The following POLR3E variants were observed in gnomAD, a reference collection of about 807,000 sequenced individuals.
POLR3E encodes DNA-directed RNA polymerase III subunit RPC5.
A neutral mutation model predicts 96.6 loss-of-function variants in POLR3E; 41 were observed. That is an observed-to-expected ratio of 0.42 (90% CI 0.33 to 0.55). The LOEUF (loss-of-function observed/expected upper bound fraction) is 0.55. Among genes scored for constraint, POLR3E ranks in the 20% least tolerant of loss-of-function variants. The pLI is 0.06. For synonymous variants in POLR3E, 396 were observed against 383.6 expected (o/e 1.03, Z -0.38); for missense variants, 849 against 952.1 (o/e 0.89, Z 1.43).
rs750060291 is a variant in POLR3E, at chr16:22,325,866, A to G, written c.1454A>G (p.Gln485Arg). The G allele has an allele frequency of 1.6e-4, 252 of 1,611,772 alleles. No individual in the cohort carries two copies. The highest frequency in any genetic ancestry group is 2.1e-4 in the Non-Finnish European group (249 of 1,179,334). Reference sequence around the variant, plus strand: ...CGGGAGCTGCAGCGGCGGAAGGAGCAGCTGCGGGTGCCTGCGGTCCCGCCC... The same window carrying G: ...CGGGAGCTGCAGCGGCGGAAGGAGCGGCTGCGGGTGCCTGCGGTCCCGCCC... ...LERELQRRKE[Q>R]LRVPAVPPGV... is the part of the protein sequence containing the mutation. Residue 485 changes from glutamine to arginine, a missense_variant, in exon 18 of 21, where the codon CAG becomes CGG. Transcript: ENST00000299853.
At chr16:22,311,684 T>G (rs1255620622) in intron 6 of POLR3E, among the ~76,000 whole-genome samples, 1 of 151,130 alleles carries the variant, frequency 6.6e-6, no homozygotes, top group Non-Finnish European at 1.5e-5. Flanking sequence ...TTTGTTGAGG[T>G]GGGGTCTTGC....
At position 22,314,079 on chromosome 16, in the gene POLR3E, C is replaced by G; in HGVS notation, c.473C>G (p.Ala158Gly). The change falls in exon 8 of 21, where the codon GCA becomes GGA. Residue 158 changes from alanine (A) to glycine (G), a missense_variant and splice_region_variant. Physicochemically the swap from Ala to Gly is moderately conservative, Grantham distance 60. Transcript: ENST00000299853. ...KHREREAANE[A>G]GDSSQDEAED... Reference sequence around the variant, plus strand: ...AGTCAGTGGCTTGTCTCTCTTGCAGCAGGGGACTCTTCACAGGATGAGGCG... The same window carrying G: ...AGTCAGTGGCTTGTCTCTCTTGCAGGAGGGGACTCTTCACAGGATGAGGCG... 6.2e-7 allele frequency: 1 copy of G among 1,613,578 alleles called. No individual in the cohort carries two copies. The highest frequency in any genetic ancestry group is 8.5e-7 in the Non-Finnish European group (1 of 1,179,604).
chr16:22,326,740 G>A, intron 18 of POLR3E: 1 of 205,014 alleles, frequency 4.9e-6, no homozygotes, highest in Non-Finnish European at 1.0e-5. Flanking sequence ...TAGTAGAGCT[G>A]GAATTTGGAC....
At chr16:22,324,303 C>T (rs1447659949) in intron 14 of POLR3E, 51 bp from the exon 15 acceptor site, 1 of 1,508,746 alleles carries the variant, frequency 6.6e-7, no homozygotes, top group African/African-American at 1.4e-5. Flanking sequence ...CGGGACAGTC[C>T]TGGGAGCAGT....
At position 22,325,945 on chromosome 16, in the gene POLR3E, G is replaced by A. The variant is rs751236431; in HGVS notation, c.1533G>A (p.Glu511=). 1.9e-6 allele frequency: 3 copies of A among 1,592,852 alleles called. No individual in the cohort carries two copies. Among genetic ancestry groups the A allele is most frequent in the Non-Finnish European group, 2.6e-6 (3 of 1,169,432 alleles). Reference sequence around the variant, plus strand: ...GCGAGGAGGGCGAGGAGGACGAGGAGCAGGAGGCGGAGGAGGAGCCCATGG... The same window carrying A: ...GCGAGGAGGGCGAGGAGGACGAGGAACAGGAGGCGGAGGAGGAGCCCATGG... ...PVSEEGEEDE[E]QEAEEEPMDT... Residue 511 remains glutamate, a synonymous_variant, in exon 18 of 21, where the codon GAG becomes GAA. Coordinates refer to ENST00000299853, the MANE Select transcript of POLR3E (RefSeq NM_018119.4).
In POLR3E at chr16:22,312,452, G is replaced by T. The variant is rs373944347; in HGVS notation, c.365-1168G>T. Among the ~76,000 whole-genome samples, 15 of 151,826 alleles carry T rather than the reference G, an allele frequency of 9.9e-5. No homozygotes were observed. In the East Asian group the frequency reaches 1.4e-3, roughly 14 times the overall value. ...GCGGAGGTTGCAGTAAGCCGAGATC[G>T]CACCACTGAATATCCTGGGCAACAG... is the stretch of plus-strand genomic sequence containing the variant. On this transcript the variant is annotated intron_variant, in intron 6 of 20. Coordinates refer to ENST00000299853, the MANE Select transcript of POLR3E (RefSeq NM_018119.4).
intron 3 of POLR3E, among the ~76,000 whole-genome samples, chr16:22,306,812 T>C (rs1185065890): frequency 6.6e-6 from 1 of 152,234 alleles, no homozygotes; most frequent in African/African-American, 2.4e-5. Flanking sequence ...CATGTTGCCT[T>C]CCCACAGTTA....
intron 18 of POLR3E, chr16:22,326,645 C>G: frequency 5.7e-6 from 2 of 349,882 alleles, no homozygotes; most frequent in South Asian, 2.8e-5. Context: ...CTTCTAAGAT[C>G]GTTTGATCTT....
intron 2 of POLR3E, 41 bp downstream of exon 2, chr16:22,303,045 C>G: frequency 6.3e-7 from 1 of 1,587,166 alleles, no homozygotes; most frequent in Non-Finnish European, 8.7e-7. Context: ...GGGCTACAGG[C>G]AGTGGAATTG....
chr16:22,309,022 A>T lies in POLR3E; in HGVS notation c.263A>T (p.Glu88Val). Residue 88 changes from glutamate to valine, a missense_variant, in exon 5 of 21, where the codon GAG becomes GTG. Transcript: ENST00000299853. ...AACGTGGACGGGGCCTGCGCCGACG[A>T]GACCAGCACGTATTCCTCGTGAGTT... ...ALNVDGACAD[E>V]TSTYSSKLMD... 6.2e-7 allele frequency: 1 copy of T among 1,612,972 alleles called. No individual in the cohort carries two copies. Among genetic ancestry groups the T allele is most frequent in the Non-Finnish European group, 8.5e-7 (1 of 1,179,036 alleles).
In POLR3E at chr16:22,320,423, G is replaced by A. The variant is rs139324885; in HGVS notation, c.986+1477G>A. Among the ~76,000 whole-genome samples, 83 of 152,072 alleles carry A rather than the reference G, an allele frequency of 5.5e-4. 1 individual carries two copies. Among genetic ancestry groups the A allele is most frequent in the East Asian group, 4.6e-3 (24 of 5,176 alleles). ...ATTATAGGCGCTTGCCACCACGCCC[G>A]GCTAATTTTTGTATTTTTAGAAGAG... On this transcript the variant is annotated intron_variant, in intron 13 of 20. Coordinates refer to ENST00000299853, the MANE Select transcript of POLR3E (RefSeq NM_018119.4).
At position 22,324,499 on chromosome 16, in the gene POLR3E, C is replaced by A; in HGVS notation, c.1129-4C>A. 6.2e-7 allele frequency: 1 copy of A among 1,611,398 alleles called. No homozygotes were observed. Among genetic ancestry groups the A allele is most frequent in the Non-Finnish European group, 8.5e-7 (1 of 1,178,778 alleles). On this transcript the variant is annotated splice_region_variant and splice_polypyrimidine_tract_variant and intron_variant, in intron 15 of 20. Coordinates refer to ENST00000299853, the MANE Select transcript of POLR3E (RefSeq NM_018119.4). The stretch of plus-strand genomic sequence containing the variant: ...TGCCTCACGCTGGGCCCCCTCCCCT[C>A]CAGCTCTGCGCCGAGGATGTGAAGG...
At position 22,302,939 on chromosome 16, in the gene POLR3E, G is replaced by T; in HGVS notation, c.-30G>T. Reference sequence around the variant, plus strand: ...CTCGCCCTCCTTTGCAGATCGAGCTGAAGGACTGCGCGGCTGGCTCTCCTC... The same window carrying T: ...CTCGCCCTCCTTTGCAGATCGAGCTTAAGGACTGCGCGGCTGGCTCTCCTC... On this transcript the variant is annotated 5_prime_UTR_variant, in exon 2 of 21. Transcript: ENST00000299853. The T allele has an allele frequency of 6.2e-7, 1 of 1,611,204 alleles. No homozygotes were observed. Among genetic ancestry groups the T allele is most frequent in the African/African-American group, 1.3e-5 (1 of 74,956 alleles).
At chr16:22,315,033 C>T (rs2048324915) in intron 8 of POLR3E, 56 bp from the exon 9 acceptor site, 1 of 1,586,810 alleles carries the variant, frequency 6.3e-7, no homozygotes, top group Non-Finnish European at 8.6e-7. Context: ...GCTGAGACGG[C>T]AGTCCAGCAA....
At chr16:22,308,288 G>A in intron 4 of POLR3E, 63 bp downstream of exon 4, 1 of 1,293,898 alleles carries the variant, frequency 7.7e-7, no homozygotes, top group South Asian at 1.2e-5. Context: ...GGGAGCTGGT[G>A]GAGGCGAGAA....
intron 13 of POLR3E, among the ~76,000 whole-genome samples, chr16:22,319,224 C>T (rs990225857): frequency 1.3e-5 from 2 of 151,786 alleles, no homozygotes; most frequent in Admixed American, 6.6e-5. Flanking sequence ...CCACCCACCT[C>T]GACCTCCCAA....
At chr16:22,325,293 G>T in intron 17 of POLR3E, 27 bp downstream of exon 17, 1 of 1,590,120 alleles carries the variant, frequency 6.3e-7, no homozygotes, top group Non-Finnish European at 8.6e-7. Context: ...GGGCTGGGAG[G>T]CCCCGGCTCC....
rs2048407629 is a variant in POLR3E, at chr16:22,318,643, C to T, written c.866-183C>T. Reference sequence around the variant, plus strand: ...ATAATCCTCAGATTTCATGAGGTGCCCAGTGCCTGGCATGTAGTGAGCAGC... The same window carrying T: ...ATAATCCTCAGATTTCATGAGGTGCTCAGTGCCTGGCATGTAGTGAGCAGC... On this transcript the variant is annotated intron_variant, in intron 12 of 20. Coordinates refer to ENST00000299853, the MANE Select transcript of POLR3E (RefSeq NM_018119.4). The surrounding 1 kb of genome is among the most constrained non-coding windows in gnomAD (Gnocchi z 5.0). Among the ~76,000 whole-genome samples the T allele has an allele frequency of 6.6e-6, 1 of 152,032 alleles. No individual in the cohort carries two copies. The highest frequency in any genetic ancestry group is 1.5e-5 in the Non-Finnish European group (1 of 68,024).
intron 19 of POLR3E, among the ~76,000 whole-genome samples, chr16:22,330,537 CAT>C (rs1450552293): frequency 2.0e-5 from 3 of 152,174 alleles, no homozygotes; most frequent in African/African-American, 7.2e-5. Context: ...TTTCTGAACA[CAT>C]GTGTACCGAG....
Sources: gnomAD v4.1 joint callset for allele counts (sites outside exome capture counted in the v4.1 genomes callset) on GRCh38, gnomAD v4.1.1 for gene constraint, Gnocchi (gnomAD v3.1) non-coding constraint, MANE v1.5 for transcripts, NCBI Gene and HGNC (gene_info 2026-07-23, HGNC 2026-07-21) for gene names.